Variants in CACNG2 observed in about 807,000 individuals in gnomAD.
CACNG2 encodes voltage-dependent calcium channel gamma-2 subunit.
In CACNG2, 3 loss-of-function variants were observed where a neutral mutation model predicts 25.9. The observed-to-expected ratio is 0.12, with a 90% confidence interval of 0.05 to 0.30. CACNG2 has a LOEUF of 0.30. Among genes scored for constraint, CACNG2 ranks in the 10% least tolerant of loss-of-function variants. The probability of loss-of-function intolerance (pLI) is 1.00; values close to 1 mark genes in which losing one functional copy is unlikely to be tolerated. For missense variants in CACNG2, 341 were observed against 432.5 expected (o/e 0.79, Z 1.88); for synonymous variants, 167 against 173.3 (o/e 0.96, Z 0.29).
chr22:36,605,368 C>T (rs1343962454), intron 1 of CACNG2, among the ~76,000 whole-genome samples: 2 of 152,200 alleles, frequency 1.3e-5, no homozygotes, highest in Non-Finnish European at 2.9e-5. Flanking sequence ...AGCCACCATG[C>T]CCGGCCCCAA....
intron 1 of CACNG2, among the ~76,000 whole-genome samples, chr22:36,701,682 T>C (rs540135348): frequency 1.5e-4 from 23 of 152,338 alleles, no homozygotes; most frequent in Admixed American, 2.6e-4. Context: ...GAACTTAGGC[T>C]TGTTTCCTGT....
At chr22:36,685,305 G>A (rs1937181101) in intron 1 of CACNG2, among the ~76,000 whole-genome samples, 3 of 152,050 alleles carry the variant, frequency 2.0e-5, no homozygotes, top group Admixed American at 6.5e-5. Flanking sequence ...GCCCGCCCGC[G>A]CCCAGGCAGC....
rs1046680125 is a variant in CACNG2, at chr22:36,563,528, G to A, written c.*823C>T. Among the ~76,000 whole-genome samples, 1 of 152,160 alleles carries A rather than the reference G, an allele frequency of 6.6e-6. No homozygotes were observed. The highest frequency in any genetic ancestry group is 6.5e-5 in the Admixed American group (1 of 15,284). On this transcript the variant is annotated 3_prime_UTR_variant, in exon 4 of 4. Transcript: ENST00000300105. ...AAGGCCTAGGAAGTCATCACAGTGG[G>A]TTAAGGAGCATTAAGGACTGGGAAC... is the stretch of plus-strand genomic sequence containing the variant.
At chr22:36,679,578 C>T (rs933721704) in intron 1 of CACNG2, among the ~76,000 whole-genome samples, 3 of 152,168 alleles carry the variant, frequency 2.0e-5, no homozygotes, top group East Asian at 1.9e-4. Flanking sequence ...GTTCTATCAA[C>T]GTTGGGGACT....
rs942238752 is a variant in CACNG2 at position 36,561,924 on chromosome 22, C to G, written c.*2427G>C. 6.6e-6 allele frequency: 1 copy of G among 152,246 alleles called. No homozygotes were observed. Among genetic ancestry groups the G allele is most frequent in the Admixed American group, 6.5e-5 (1 of 15,286 alleles). The allele number at this position is 152,246 out of a possible 1,614,324, so 9.4% of individuals were successfully genotyped here. A position where few individuals can be genotyped will look rare whatever the true frequency, so the allele number is the denominator to read the frequency against. On this transcript the variant is annotated 3_prime_UTR_variant, in exon 4 of 4. Coordinates refer to ENST00000300105, the MANE Select transcript of CACNG2 (RefSeq NM_006078.5). ...AAATTTTCCTCTCCATTCCCTCAGCCTTGAGCCCTCCCAGTAAACCTCAGA... is the reference window on the plus strand; with the variant it reads ...AAATTTTCCTCTCCATTCCCTCAGCGTTGAGCCCTCCCAGTAAACCTCAGA...
intron 1 of CACNG2, among the ~76,000 whole-genome samples, chr22:36,594,177 C>T (rs1465713062): frequency 2.0e-5 from 3 of 152,172 alleles, no homozygotes; most frequent in Non-Finnish European, 2.9e-5. Context: ...TCCTAGGCAC[C>T]CTCTGTCCCT....
intron 1 of CACNG2, among the ~76,000 whole-genome samples, chr22:36,602,392 T>C (rs1286543098): frequency 6.6e-6 from 1 of 151,886 alleles, no homozygotes; most frequent in Non-Finnish European, 1.5e-5. Context: ...AATATATATA[T>C]ATATATTTTT....
chr22:36,620,282 G>A (rs1336658450), intron 1 of CACNG2, among the ~76,000 whole-genome samples: 3 of 152,188 alleles, frequency 2.0e-5, no homozygotes, highest in African/African-American at 7.2e-5. Flanking sequence ...GCTCAGAGAG[G>A]CATTCCTTTC....
At chr22:36,622,971 G>A (rs1210323993) in intron 1 of CACNG2, among the ~76,000 whole-genome samples, 1 of 146,878 alleles carries the variant, frequency 6.8e-6, no homozygotes, top group Non-Finnish European at 1.5e-5. Context: ...AAAAAAAAAG[G>A]TAAGACAAGT....
intron 1 of CACNG2, among the ~76,000 whole-genome samples, chr22:36,623,619 T>C (rs1447659115): frequency 6.6e-6 from 1 of 152,052 alleles, no homozygotes; most frequent in African/African-American, 2.4e-5. Context: ...TAGCTGGTAA[T>C]TGACACAGAA....
intron 1 of CACNG2, among the ~76,000 whole-genome samples, chr22:36,701,819 T>C (rs1937414660): frequency 6.6e-6 from 1 of 152,152 alleles, no homozygotes; most frequent in African/African-American, 2.4e-5. Context: ...CAGCTTGAGA[T>C]CCTGGAATAA....
intron 1 of CACNG2, among the ~76,000 whole-genome samples, chr22:36,636,807 C>T (rs774547591): frequency 6.6e-6 from 1 of 152,196 alleles, no homozygotes; most frequent in East Asian, 1.9e-4. Context: ...CAATCCTTAC[C>T]GACTGCCCTG....
chr22:36,579,755 T>C (rs1935382270), intron 2 of CACNG2, among the ~76,000 whole-genome samples: 1 of 152,244 alleles, frequency 6.6e-6, no homozygotes, highest in Non-Finnish European at 1.5e-5. Context: ...CAGCTTCAGA[T>C]GCTTTGCACT....
At chr22:36,679,193 C>CTTT (rs1569049850) in intron 1 of CACNG2, among the ~76,000 whole-genome samples, 122 of 49,240 alleles carry the variant, frequency 2.5e-3, no homozygotes, top group Middle Eastern at 0.012. Context: ...TTCCTTCCTT[C>CTTT]CTTCCTTTCT....
intron 1 of CACNG2, among the ~76,000 whole-genome samples, chr22:36,680,652 C>CCAT (rs2146002636): frequency 6.0e-5 from 1 of 16,706 alleles, no homozygotes; most frequent in Non-Finnish European, 1.4e-4. Flanking sequence ...ATCATTATCA[C>CCAT]CACCATCACC....
At chr22:36,599,894 T>C (rs1173830391) in intron 1 of CACNG2, among the ~76,000 whole-genome samples, 2 of 152,228 alleles carry the variant, frequency 1.3e-5, no homozygotes, top group Non-Finnish European at 2.9e-5. Context: ...CCTGGACATA[T>C]GGCTTCCCAG....
intron 2 of CACNG2, among the ~76,000 whole-genome samples, chr22:36,572,418 C>T (rs1038096213): frequency 3.3e-5 from 5 of 152,136 alleles, no homozygotes; most frequent in African/African-American, 7.2e-5. Context: ...AACAAATGAA[C>T]GTGGTTGTCT....
intron 1 of CACNG2, among the ~76,000 whole-genome samples, chr22:36,659,136 C>T (rs571179037): frequency 1.3e-5 from 2 of 152,220 alleles, no homozygotes; most frequent in Admixed American, 6.5e-5. Flanking sequence ...AACTGCTTCC[C>T]GCTAGGTGTA....
intron 1 of CACNG2, among the ~76,000 whole-genome samples, chr22:36,701,470 C>T (rs1937410771): frequency 6.6e-6 from 1 of 152,130 alleles, no homozygotes; most frequent in South Asian, 2.1e-4. Flanking sequence ...ACACACATGC[C>T]TCAACACTCC....
Sources: gnomAD v4.1 joint callset for allele counts (sites outside exome capture counted in the v4.1 genomes callset) on GRCh38, gnomAD v4.1.1 for gene constraint, MANE v1.5 for transcripts, NCBI Gene and HGNC (gene_info 2026-07-23, HGNC 2026-07-21) for gene names.